NUP85: variants seen among roughly 807,000 people sequenced by gnomAD.
The protein encoded by NUP85 is nucleoporin 85.
NUP85 carries 23 observed loss-of-function variants against 92.8 expected under a neutral mutation model. The observed-to-expected ratio is 0.25, with a 90% CI of 0.18 to 0.35. The LOEUF (loss-of-function observed/expected upper bound fraction) is 0.35, where lower values mean the gene tolerates loss of function less well. NUP85 is among the 10% of genes least tolerant of loss of function. The pLI is 1.00. For missense variants in NUP85, 759 were observed against 822.8 expected, an observed-to-expected ratio of 0.92 and a Z score of 0.95; for synonymous variants, 314 against 306.9, an observed-to-expected ratio of 1.02 and a Z score of -0.24.
chr17:75,229,331 A>G (rs1285364932), intron 11 of NUP85, among the ~76,000 whole-genome samples: 2 of 152,146 alleles, frequency 1.3e-5, no homozygotes, highest in Non-Finnish European at 2.9e-5. Flanking sequence ...AACAAGCAAG[A>G]TGGGGCCTGG....
intron 14 of NUP85, 130 bp from the exon 15 acceptor site, chr17:75,232,721 C>G (rs1420788021): frequency 2.5e-6 from 2 of 798,524 alleles, no homozygotes; most frequent in African/African-American, 3.4e-5. Flanking sequence ...GCCGATCCAG[C>G]TGCATTTAGA....
intron 7 of NUP85, among the ~76,000 whole-genome samples, chr17:75,224,109 A>G (rs1249562328): frequency 2.0e-5 from 3 of 152,020 alleles, no homozygotes; most frequent in African/African-American, 7.2e-5. Context: ...GCAGTGGCAC[A>G]ATCTCAGCTC....
intron 11 of NUP85, chr17:75,226,910 G>C: frequency 3.4e-6 from 1 of 294,084 alleles, no homozygotes; most frequent in Non-Finnish European, 6.9e-6. Context: ...CTTCAGGCTG[G>C]GTATTATTCA....
rs757747257 is a variant in NUP85, at chr17:75,225,143, G to A, written c.638G>A (p.Arg213Gln). Reference protein sequence around the residue: ...LVLQGRLDEARQMLSKEADAS... With the variant: ...LVLQGRLDEAQQMLSKEADAS... ...CTGCAGGGCCGGCTGGATGAGGCCC[G>A]ACAGATGCTCTCCAAGGAAGCCGAT... The change falls in exon 8 of 19, where the codon CGA (arginine) becomes CAA (glutamine). Residue 213 changes from arginine (R) to glutamine (Q), a missense_variant. Physicochemically the swap from Arg to Gln is conservative, Grantham distance 43 (BLOSUM62 1). Transcript: ENST00000245544. 20 of 1,598,942 alleles carry A rather than the reference G, an allele frequency of 1.3e-5. No individual in the cohort carries two copies. The highest frequency in any genetic ancestry group is 1.7e-5 in the Admixed American group (1 of 58,930).
At chr17:75,213,416 G>A in intron 5 of NUP85, among the ~76,000 whole-genome samples, 1 of 150,932 alleles carries the variant, frequency 6.6e-6, no homozygotes, top group Non-Finnish European at 1.5e-5. Context: ...TCAGCCTCCC[G>A]AGTAGCTGGG....
In NUP85 at chr17:75,232,915, C is replaced by G. The variant is rs1329505745; in HGVS notation, c.1461C>G (p.Leu487=). 6.2e-7 allele frequency: 1 copy of G among 1,614,252 alleles called. No homozygotes were observed. The change falls in exon 15 of 19, where the codon CTC becomes CTG. Residue 487 remains leucine, a synonymous_variant. Transcript: ENST00000245544. ...GCAACAATCGCCTGGGTTCTGCCCT[C>G]TCTTGGAGCATCCGTGCTAAGGATG... ...AVRNNRLGSA[L]SWSIRAKDAA...
At chr17:75,226,241 TC>T in intron 11 of NUP85, 84 bp downstream of exon 11, 1 of 1,035,034 alleles carries the variant, frequency 9.7e-7, no homozygotes, top group South Asian at 1.4e-5. Flanking sequence ...GCCTGTTCCT[TC>T]CTTACCCTTC....
intron 18 of NUP85, 172 bp downstream of exon 18, chr17:75,235,373 C>G: frequency 1.6e-6 from 1 of 617,842 alleles, no homozygotes; most frequent in East Asian, 2.8e-5. Context: ...ATCAGGGATT[C>G]TAGTGTTCTC....
At chr17:75,222,312 T>C (rs1177491736) in intron 7 of NUP85, among the ~76,000 whole-genome samples, 2 of 152,074 alleles carry the variant, frequency 1.3e-5, no homozygotes, top group Admixed American at 6.5e-5. Flanking sequence ...CCCAAAGTGT[T>C]GGGATTACAG....
chr17:75,231,282 T>C lies in NUP85; in HGVS notation c.1095-58T>C. 1.3e-6 allele frequency: 2 copies of C among 1,553,340 alleles called. No individual in the cohort carries two copies. The highest frequency in any genetic ancestry group is 1.8e-6 in the Non-Finnish European group (2 of 1,125,242). On this transcript the variant is annotated intron_variant, in intron 11 of 18. Coordinates refer to ENST00000245544, the MANE Select transcript of NUP85 (RefSeq NM_024844.5). This position sits in a 1 kb window ranked among gnomAD's most constrained non-coding sequence, Gnocchi z 4.6. ...TGGGGTTTCTTGCTCACCCCCACTC[T>C]TGTGGGACGCGGCCTGTGCCCTGAT...
chr17:75,233,691 C>T (rs535870001), intron 16 of NUP85, among the ~76,000 whole-genome samples: 6 of 151,000 alleles, frequency 4.0e-5, no homozygotes, highest in Non-Finnish European at 7.4e-5. Flanking sequence ...CCCCGCCTCC[C>T]GGGTCCAAGC....
intron 5 of NUP85, among the ~76,000 whole-genome samples, chr17:75,214,113 G>A (rs936127988): frequency 5.9e-5 from 9 of 152,128 alleles, no homozygotes; most frequent in Admixed American, 2.0e-4. Context: ...CAAAGTGCTG[G>A]GATTACAAGT....
Position 75,234,661 on chromosome 17 carries a change from T to C in NUP85, c.1640T>C (p.Met547Thr), listed in dbSNP as rs1236763079. Reference sequence around the variant, plus strand: ...GGAAAGTATCGCGAGTTCCACCGTATGTACGGGGAGAAGCGTTTTGCCGAC... The same window carrying C: ...GGAAAGTATCGCGAGTTCCACCGTACGTACGGGGAGAAGCGTTTTGCCGAC... ...FLGKYREFHRMYGEKRFADAA... is the reference protein window; with the variant it reads ...FLGKYREFHRTYGEKRFADAA... The change falls in exon 17 of 19, where the codon ATG (methionine) becomes ACG (threonine). Residue 547 changes from methionine to threonine, a missense_variant. By Grantham distance (81) the Met-to-Thr change is moderately conservative (BLOSUM62 -1). Transcript: ENST00000245544. 7.4e-6 allele frequency: 12 copies of C among 1,614,112 alleles called. No individual in the cohort carries two copies. The East Asian group carries it at 2.0e-4, about 27-fold the overall frequency.
At chr17:75,213,997 G>C (rs934789073) in intron 5 of NUP85, among the ~76,000 whole-genome samples, 1 of 150,226 alleles carries the variant, frequency 6.7e-6, no homozygotes, top group African/African-American at 2.5e-5. Flanking sequence ...TCAGCCTCCC[G>C]AGTAGCTGGG....
At chr17:75,210,479 G>A (rs779263016) in intron 3 of NUP85, among the ~76,000 whole-genome samples, 78 of 152,186 alleles carry the variant, frequency 5.1e-4, no homozygotes, top group Non-Finnish European at 1.0e-3. Flanking sequence ...ACCCACCTCA[G>A]ATCATCAAAA....
Position 75,231,253 on chromosome 17 carries a change from C to T in NUP85, c.1095-87C>T. ...GGCCCCATCTCTTTGAGGGACAGGA[C>T]ATGTGGGGTTTCTTGCTCACCCCCA... On this transcript the variant is annotated intron_variant, in intron 11 of 18. Transcript: ENST00000245544. This position sits in a 1 kb window ranked among gnomAD's most constrained non-coding sequence, Gnocchi z 4.6. The T allele has an allele frequency of 1.6e-6, 2 of 1,219,048 alleles. No homozygotes were observed. Among genetic ancestry groups the T allele is most frequent in the South Asian group, 2.5e-5 (2 of 80,812 alleles). 75.5% of individuals were successfully genotyped at this position (1,219,048 alleles called of 1,614,324 possible). A position where few individuals can be genotyped will look rare whatever the true frequency, so the allele number is the denominator to read the frequency against.
chr17:75,224,013 T>C (rs2075680899), intron 7 of NUP85, among the ~76,000 whole-genome samples: 1 of 152,120 alleles, frequency 6.6e-6, no homozygotes, highest in African/African-American at 2.4e-5. Context: ...CTTGGGGTTG[T>C]AGCTAACTGT....
chr17:75,218,647 A>G lies in NUP85; in HGVS notation c.597+341A>G, dbSNP rs564082977. Among the ~76,000 whole-genome samples, 110 of 120,056 alleles carry G rather than the reference A, an allele frequency of 9.2e-4. 1 individual carries two copies. The highest frequency in any genetic ancestry group is 4.3e-4 in the Non-Finnish European group (27 of 62,768). 78.8% of individuals were successfully genotyped at this position (120,056 alleles called of 152,430 possible). On this transcript the variant is annotated intron_variant, in intron 7 of 18. Coordinates refer to ENST00000245544, the MANE Select transcript of NUP85 (RefSeq NM_024844.5). ...GCTGGGTGCGGTGGCTCATGCCTGT[A>G]ATTCCAGCCAGCACTTTGGGAGGCC...
At chr17:75,234,527 C>A in intron 16 of NUP85, 110 bp from the exon 17 acceptor site, 1 of 1,039,408 alleles carries the variant, frequency 9.6e-7, no homozygotes, top group Non-Finnish European at 1.4e-6. Flanking sequence ...TGTGGAGTGG[C>A]TGGTCTGAGG....
Sources: gnomAD v4.1 joint callset for allele counts (sites outside exome capture counted in the v4.1 genomes callset) on GRCh38, gnomAD v4.1.1 for gene constraint, Gnocchi (gnomAD v3.1) non-coding constraint, MANE v1.5 for transcripts, NCBI Gene and HGNC (gene_info 2026-07-23, HGNC 2026-07-21) for gene names.